The following BIRC6 variants were observed in gnomAD, a reference collection of about 807,000 sequenced individuals.
BIRC6 encodes dual E2 ubiquitin-conjugating enzyme/E3 ubiquitin-protein ligase BIRC6.
Under a neutral mutation model 503.3 loss-of-function variants are expected in BIRC6, and 98 were observed. That is an observed-to-expected ratio of 0.19 (90% confidence interval 0.17 to 0.23). The LOEUF is 0.23. Among genes scored for constraint, BIRC6 ranks in the 10% least tolerant of loss-of-function variants. The pLI is 1.00. For missense variants in BIRC6, 5,360 were observed against 5,806.0 expected, an observed-to-expected ratio of 0.92 and a Z score of 2.50; for synonymous variants, 2,240 against 2,078.7, an observed-to-expected ratio of 1.08 and a Z score of -2.11.
chr2:32,388,359 C>T (rs1330666173), intron 3 of BIRC6, among the ~76,000 whole-genome samples: 16 of 145,506 alleles, frequency 1.1e-4, no homozygotes, highest in South Asian at 4.3e-4. Context: ...TCCAGCCTGG[C>T]GACAGAGTAA....
At chr2:32,473,669 T>C (rs974452481) in intron 33 of BIRC6, among the ~76,000 whole-genome samples, 4 of 151,610 alleles carry the variant, frequency 2.6e-5, no homozygotes, top group African/African-American at 9.7e-5. Flanking sequence ...CAGATTTTAA[T>C]TTTGGTTTCT....
intron 39 of BIRC6, among the ~76,000 whole-genome samples, chr2:32,484,611 T>A (rs925733109): frequency 6.6e-6 from 1 of 152,006 alleles, no homozygotes; most frequent in Non-Finnish European, 1.5e-5. Flanking sequence ...ATTCGTTCAG[T>A]TTTGAACGGA....
rs2051159566 is a variant in BIRC6, at chr2:32,487,702, A to G, written c.7869A>G (p.Ala2623=). 1 of 1,613,808 alleles carries G rather than the reference A, an allele frequency of 6.2e-7. No individual in the cohort carries two copies. The highest frequency in any genetic ancestry group is 1.3e-5 in the African/African-American group (1 of 75,038). Residue 2623 remains alanine (A), a synonymous_variant, in exon 41 of 74, where the codon GCA becomes GCG. Transcript: ENST00000421745. ...CACTTCTAGGGGGTTTACAAGCAGC[A>G]AACCAAACCAGCCAGCTTATTATAC... ...DDSLLGGLQA[A]NQTSQLIIQL... is the part of the protein sequence containing the mutation.
intron 22 of BIRC6, among the ~76,000 whole-genome samples, chr2:32,452,965 G>A (rs572713772): frequency 1.3e-5 from 2 of 151,594 alleles, no homozygotes; most frequent in Non-Finnish European, 2.9e-5. Context: ...GTGTTTGATA[G>A]TCCTTCAGCT....
At chr2:32,395,076 C>T (rs1052381867) in intron 5 of BIRC6, among the ~76,000 whole-genome samples, 18 of 152,092 alleles carry the variant, frequency 1.2e-4, no homozygotes, top group Admixed American at 5.2e-4. Flanking sequence ...CGCTTGAACC[C>T]GGGGAGGTGG....
chr2:32,415,151 T>C lies in BIRC6; in HGVS notation c.1860T>C (p.Ser620=). ...CCTGCACTAATTCAGAACTAAATTC[T>C]CCTCTGGTAAGGAGGACTTTACCGG... is the stretch of plus-strand genomic sequence containing the variant. ...NESCTNSELN[S]PLVRRTLPVL... Residue 620 remains serine (S), a synonymous_variant, in exon 10 of 74, where the codon TCT becomes TCC. Transcript: ENST00000421745. The C allele has an allele frequency of 6.2e-7, 1 of 1,613,980 alleles. No individual in the cohort carries two copies. Among genetic ancestry groups the C allele is most frequent in the Non-Finnish European group, 8.5e-7 (1 of 1,179,880 alleles).
At chr2:32,611,127 A>G (rs1296235935) in intron 72 of BIRC6, among the ~76,000 whole-genome samples, 1 of 145,616 alleles carries the variant, frequency 6.9e-6, no homozygotes, top group African/African-American at 2.5e-5. Context: ...TTTGTTTGAG[A>G]TGGAGGCTTG....
chr2:32,440,169 C>T (rs2045253503), intron 16 of BIRC6, among the ~76,000 whole-genome samples: 1 of 152,236 alleles, frequency 6.6e-6, no homozygotes, highest in Non-Finnish European at 1.5e-5. Context: ...TGAGCCACTG[C>T]ACCCAGCCTG....
At chr2:32,506,861 A>T (rs966242748) in intron 50 of BIRC6, among the ~76,000 whole-genome samples, 1 of 152,136 alleles carries the variant, frequency 6.6e-6, no homozygotes, top group Non-Finnish European at 1.5e-5. Flanking sequence ...CTTGTGTAAA[A>T]TGTAGATAAT....
At chr2:32,374,518 G>C (rs1015067187) in intron 1 of BIRC6, among the ~76,000 whole-genome samples, 4 of 150,920 alleles carry the variant, frequency 2.7e-5, no homozygotes, top group Admixed American at 6.6e-5. Flanking sequence ...TGTCGCCCAG[G>C]CTGGAGTGCA....
chr2:32,415,361 A>G lies in BIRC6; in HGVS notation c.2070A>G (p.Gln690=), dbSNP rs1558662112. ...LQDPPVTYIQ[Q]FADAAANLTS... The stretch of plus-strand genomic sequence containing the variant: ...ATCCTCCTGTGACTTACATTCAGCA[A>G]TTTGCAGATGCAGCAGCCAACCTTA... Residue 690 remains glutamine, a synonymous_variant, in exon 10 of 74, where the codon CAA becomes CAG. Transcript: ENST00000421745. 7.4e-6 allele frequency: 12 copies of G among 1,614,038 alleles called. No homozygotes were observed. The highest frequency in any genetic ancestry group is 9.3e-6 in the Non-Finnish European group (11 of 1,179,898).
chr2:32,392,995 A>G (rs906662508), intron 5 of BIRC6, among the ~76,000 whole-genome samples: 15 of 152,098 alleles, frequency 9.9e-5, no homozygotes, highest in African/African-American at 3.6e-4. Context: ...GTTTCTGACA[A>G]GTATTCTCTT....
At position 32,478,809 on chromosome 2, in the gene BIRC6, A is replaced by G. The variant is rs1257608613; in HGVS notation, c.7243A>G (p.Ile2415Val). The part of the protein sequence containing the change: ...QYSLTCMLQD[I>V]LAGELLAPVA... Reference sequence around the variant, plus strand: ...TTCCTTAACTTGCATGCTACAAGATATTTTAGCAGGTGTGTTAGGATTTTT... The same window carrying G: ...TTCCTTAACTTGCATGCTACAAGATGTTTTAGCAGGTGTGTTAGGATTTTT... The change falls in exon 36 of 74, where the codon ATT becomes GTT. Residue 2415 changes from isoleucine to valine, a missense_variant. Ile to Val is a conservative substitution (Grantham distance 29, BLOSUM62 3). This residue lies in a region of BIRC6 where 2,299 missense variants were observed against 2,267.2 expected (regional missense o/e 1.01). Coordinates refer to ENST00000421745, the MANE Select transcript of BIRC6 (RefSeq NM_016252.4). The G allele has an allele frequency of 1.2e-6, 2 of 1,612,030 alleles. No individual in the cohort carries two copies. Among genetic ancestry groups the G allele is most frequent in the Admixed American group, 1.7e-5 (1 of 59,472 alleles).
chr2:32,617,021 A>T (rs896701202), intron 73 of BIRC6, among the ~76,000 whole-genome samples: 1 of 152,194 alleles, frequency 6.6e-6, no homozygotes, highest in African/African-American at 2.4e-5. Context: ...GCTTAAGCCC[A>T]GGAGGTTGAG....
At chr2:32,382,878 C>T (rs1308082540) in intron 3 of BIRC6, among the ~76,000 whole-genome samples, 1 of 151,330 alleles carries the variant, frequency 6.6e-6, no homozygotes, top group African/African-American at 2.4e-5. Context: ...TGTGCACCAC[C>T]ATGCCTGGCT....
At chr2:32,421,890 T>G (rs1023380304) in intron 10 of BIRC6, among the ~76,000 whole-genome samples, 4 of 152,232 alleles carry the variant, frequency 2.6e-5, no homozygotes, top group Admixed American at 6.5e-5. Context: ...GATTTTATAT[T>G]GAGCCTTCTT....
At chr2:32,391,663 A>G (rs757774235) in intron 4 of BIRC6, among the ~76,000 whole-genome samples, 1 of 152,238 alleles carries the variant, frequency 6.6e-6, no homozygotes, top group Non-Finnish European at 1.5e-5. Flanking sequence ...AGCTTTGCTT[A>G]TCAATCCTTT....
chr2:32,506,552 A>C (rs187009244), intron 50 of BIRC6, among the ~76,000 whole-genome samples: 2 of 152,358 alleles, frequency 1.3e-5, no homozygotes, highest in Admixed American at 1.3e-4. Flanking sequence ...TTTGGAAAGC[A>C]AAGGAGTTTG....
intron 59 of BIRC6, 78 bp from the exon 60 acceptor site, chr2:32,529,573 A>T (rs752959135): frequency 3.8e-5 from 49 of 1,276,422 alleles, no homozygotes; most frequent in Non-Finnish European, 5.1e-5. Context: ...CCTGTAATTT[A>T]GTAAAAGCAG....
Sources: allele counts gnomAD v4.1 joint callset (sites outside exome capture counted in the v4.1 genomes callset), GRCh38; gene constraint gnomAD v4.1.1; regional missense constraint gnomAD v4.1.1; transcripts MANE v1.5; gene names NCBI Gene and HGNC (gene_info 2026-07-23, HGNC 2026-07-21).